RIF1: variants seen among roughly 807,000 people sequenced by gnomAD.
The protein encoded by RIF1 is telomere-associated protein RIF1.
Under a neutral mutation model 247.1 loss-of-function variants are expected in RIF1, and 45 were observed. The observed-to-expected ratio is 0.18, with a 90% CI of 0.14 to 0.23. The LOEUF (loss-of-function observed/expected upper bound fraction) is 0.23. Ranked by LOEUF, RIF1 falls within the 10% of genes least tolerant of loss-of-function variation. RIF1 has a pLI of 1.00. For synonymous variants in RIF1, 1,087 were observed against 978.8 expected (o/e 1.11, Z -2.06); for missense variants, 2,967 against 2,862.5 (o/e 1.04, Z -0.83).
chr2:151,434,879 T>C (rs1050392868), intron 10 of RIF1, among the ~76,000 whole-genome samples: 1 of 152,198 alleles, frequency 6.6e-6, no homozygotes, highest in African/African-American at 2.4e-5. Flanking sequence ...TTTATATAAA[T>C]AGCTGCATAG....
intron 9 of RIF1, chr2:151,494,154 A>C: frequency 6.3e-7 from 1 of 1,598,448 alleles, no homozygotes; most frequent in South Asian, 1.1e-5. Flanking sequence ...GTTTCTCAAG[A>C]CAATACCGAG....
In RIF1 at chr2:151,464,471, G is replaced by A. The variant is rs745652200; in HGVS notation, c.4951G>A (p.Glu1651Lys). The A allele has an allele frequency of 6.2e-7, 1 of 1,613,076 alleles. No homozygotes were observed. Among genetic ancestry groups the A allele is most frequent in the South Asian group, 1.1e-5 (1 of 90,682 alleles). The change falls in exon 30 of 36, where the codon GAG becomes AAG. Residue 1651 changes from glutamate (E) to lysine (K), a missense_variant. Around this residue, in one of 7 missense-constraint regions of RIF1, gnomAD observed 2,028 missense variants for 1,825.6 expected, o/e 1.11. Transcript: ENST00000444746. ...TCCTGATGATTTACCAAATGTGTGT[G>A]AGGAAAAAAATGAAACTAGCAAATA... is the stretch of plus-strand genomic sequence containing the variant. ...QVPDDLPNVC[E>K]EKNETSKYAE...
chr2:151,451,145 C>G (rs976380036), intron 20 of RIF1, among the ~76,000 whole-genome samples: 1 of 152,166 alleles, frequency 6.6e-6, no homozygotes, highest in Admixed American at 6.5e-5. Context: ...AACAATGTGT[C>G]AGTCAACAAC....
In RIF1 at chr2:151,463,090, T is replaced by A; in HGVS notation, c.3570T>A (p.Ser1190Arg). The A allele has an allele frequency of 6.2e-7, 1 of 1,613,930 alleles. No homozygotes were observed. The highest frequency in any genetic ancestry group is 2.2e-5 in the East Asian group (1 of 44,892). Residue 1190 changes from serine to arginine, a missense_variant, in exon 30 of 36, where the codon AGT (serine) becomes AGA (arginine). Ser to Arg is a moderately radical substitution (Grantham distance 110, BLOSUM62 -1). Coordinates refer to ENST00000444746, the MANE Select transcript of RIF1 (RefSeq NM_018151.5). ...AAACATCAACTGAATGTGCATCTAGTACAGAAAATTCTTTCGTTGTCAGCA... is the reference window on the plus strand; with the variant it reads ...AAACATCAACTGAATGTGCATCTAGAACAGAAAATTCTTTCGTTGTCAGCA... The part of the protein sequence containing the change: ...SRKTSTECAS[S>R]TENSFVVSSS...
At chr2:151,526,872 T>C in the RIF1 span, 1 of 1,306,932 alleles carries the variant, frequency 7.7e-7, no homozygotes, top group South Asian at 1.3e-5. Flanking sequence ...CCATGGAAGA[T>C]GGCCCTGAGT....
chr2:151,533,985 A>G, the RIF1 span, among the ~76,000 whole-genome samples: 1 of 152,132 alleles, frequency 6.6e-6, no homozygotes, highest in Non-Finnish European at 1.5e-5. Flanking sequence ...GGATGGGAGG[A>G]CCCAGCTTTT....
intron 6 of RIF1, among the ~76,000 whole-genome samples, chr2:151,418,730 C>T (rs1162393795): frequency 2.0e-5 from 3 of 151,876 alleles, no homozygotes; most frequent in South Asian, 2.1e-4. Flanking sequence ...CAAAATCAGC[C>T]GGGCGTGGTG....
chr2:151,476,919 T>C lies in RIF1; in HGVS notation c.*1848T>C, dbSNP rs1269901016. 1 of 152,202 alleles carries C rather than the reference T, an allele frequency of 6.6e-6. No individual in the cohort carries two copies. Among genetic ancestry groups the C allele is most frequent in the African/African-American group, 2.4e-5 (1 of 41,470 alleles). 9.4% of individuals were successfully genotyped at this position (152,202 alleles called of 1,614,324 possible). On this transcript the variant is annotated 3_prime_UTR_variant, in exon 36 of 36. Transcript: ENST00000444746. ...TTAAAATCAGTTCGTTTCATGACTC[T>C]GTGCCTTAACGTTTGTGTGAACTAA...
intron 10 of RIF1, chr2:151,499,151 T>G: frequency 2.0e-6 from 1 of 492,032 alleles, no homozygotes; most frequent in Non-Finnish European, 3.6e-6. Flanking sequence ...TGGGGAAAAC[T>G]GATTCATAGG....
Position 151,430,212 on chromosome 2 carries a change from G to A in RIF1, c.925+1290G>A, listed in dbSNP as rs978242220. Among the ~76,000 whole-genome samples, 4 of 151,970 alleles carry A rather than the reference G, an allele frequency of 2.6e-5. No individual in the cohort carries two copies. The East Asian group carries it at 7.8e-4, about 29-fold the overall frequency. The stretch of plus-strand genomic sequence containing the variant: ...ATTTTTTTGTATTTTTAGTAGAGAC[G>A]GGGTTTCACCGTGTTAGCCAGGATG... On this transcript the variant is annotated intron_variant, in intron 9 of 35. Transcript: ENST00000444746.
intron 9 of RIF1, chr2:151,489,887 A>C (rs6733688): frequency 0.017 from 17,113 of 1,023,528 alleles, 198 homozygotes; most frequent in South Asian, 0.024. Flanking sequence ...GTTAAAAAAA[A>C]CCGTAATACC....
the RIF1 span, chr2:151,525,292 A>G: frequency 3.2e-5 from 50 of 1,548,162 alleles, no homozygotes; most frequent in Non-Finnish European, 4.3e-5. Flanking sequence ...AGCCAGAATT[A>G]CTTTTATGAG....
chr2:151,518,621 G>A, the RIF1 span, among the ~76,000 whole-genome samples: 60 of 152,316 alleles, frequency 3.9e-4, no homozygotes, highest in South Asian at 2.3e-3. Context: ...TAAACACTTA[G>A]GTTATGTGGC....
In RIF1 at chr2:151,481,203, T is replaced by C. The variant is rs1397616549; in HGVS notation, c.*6132T>C. On this transcript the variant is annotated 3_prime_UTR_variant, in exon 36 of 36. Coordinates refer to ENST00000444746, the MANE Select transcript of RIF1 (RefSeq NM_018151.5). The stretch of plus-strand genomic sequence containing the variant: ...GAAGGTTTTGCTCATGCATGGCATG[T>C]TAGTCAATTTAGTTATTTGCTTCTA... The C allele has an allele frequency of 6.6e-6, 1 of 152,190 alleles. No individual in the cohort carries two copies. The highest frequency in any genetic ancestry group is 1.5e-5 in the Non-Finnish European group (1 of 68,024). The allele number at this position is 152,190 out of a possible 1,614,324, so 9.4% of individuals were successfully genotyped here. A position where few individuals can be genotyped will look rare whatever the true frequency, so the allele number is the denominator to read the frequency against.
chr2:151,426,835 TG>T (rs1244811637), intron 8 of RIF1, among the ~76,000 whole-genome samples: 1 of 150,176 alleles, frequency 6.7e-6, no homozygotes, highest in Non-Finnish European at 1.5e-5. Context: ...TTAGTAGAGA[TG>T]GGGTTTTACC....
At position 151,409,991 on chromosome 2, in the gene RIF1, C is replaced by T. The variant is rs1685859154; in HGVS notation, c.-53C>T. On this transcript the variant is annotated 5_prime_UTR_variant, in exon 1 of 36. Transcript: ENST00000444746. ...GTCGAGCTCTGGCAGCGTCTGGGTG[C>T]TGAGGGGCAGAGGCGGAGAGAACCC... The T allele has an allele frequency of 5.7e-6, 4 of 702,430 alleles. No individual in the cohort carries two copies. The highest frequency in any genetic ancestry group is 3.0e-5 in the South Asian group (2 of 67,432). 43.5% of individuals were successfully genotyped at this position (702,430 alleles called of 1,614,324 possible). A position where few individuals can be genotyped will look rare whatever the true frequency, so the allele number is the denominator to read the frequency against.
chr2:151,526,909 G>A, the RIF1 span: 5 of 1,557,248 alleles, frequency 3.2e-6, no homozygotes, highest in South Asian at 4.7e-5. Context: ...GAAGGAACTA[G>A]GTACTTACAT....
At chr2:151,497,872 G>C (rs559266998) in intron 10 of RIF1, 3 of 1,504,222 alleles carry the variant, frequency 2.0e-6, no homozygotes, top group Non-Finnish European at 2.6e-6. Flanking sequence ...GCTGTTGTTG[G>C]GATAGGGAAT....
chr2:151,482,463 G>A (rs1186973223), downstream of RIF1, among the ~76,000 whole-genome samples: 1 of 152,098 alleles, frequency 6.6e-6, no homozygotes, highest in Non-Finnish European at 1.5e-5. Context: ...GAACTTGTTA[G>A]AAGAGAGGTT....
Sources: allele counts gnomAD v4.1 joint callset (sites outside exome capture counted in the v4.1 genomes callset), GRCh38; gene constraint gnomAD v4.1.1; regional missense constraint gnomAD v4.1.1; transcripts MANE v1.5; gene names NCBI Gene and HGNC (gene_info 2026-07-23, HGNC 2026-07-21).